Variants in MVB12A observed in about 807,000 individuals in gnomAD.
MVB12A encodes the protein multivesicular body subunit 12A, also known as CIN85/CD2AP family binding protein.
In MVB12A, 30 loss-of-function variants were observed where a neutral mutation model predicts 34.3. The ratio of observed to expected loss-of-function variants is 0.88; its 90% CI spans 0.65 to 1.19. MVB12A has a LOEUF of 1.19. Among genes scored for constraint, MVB12A ranks in the 50% most tolerant of loss-of-function variants. The probability of loss-of-function intolerance (pLI) is 0.00; values close to 1 mark genes in which losing one functional copy is unlikely to be tolerated. For synonymous variants in MVB12A, 158 were observed against 158.9 expected (o/e 0.99, Z 0.04); for missense variants, 355 against 369.2 (o/e 0.96, Z 0.31).
At chr19:17,423,898 T>G (rs1419489832) in intron 6 of MVB12A, 99 bp downstream of exon 6, 2 of 1,566,270 alleles carry the variant, frequency 1.3e-6, no homozygotes, top group Non-Finnish European at 8.8e-7. Flanking sequence ...CTCTCCCAAC[T>G]CTGGATTCTG....
chr19:17,422,452 G>A lies in MVB12A; in HGVS notation c.407G>A (p.Arg136Gln), dbSNP rs200635108. Residue 136 changes from arginine to glutamine, a missense_variant, in exon 4 of 9, where the codon CGA becomes CAA. Physicochemically the swap from Arg to Gln is conservative, Grantham distance 43 (BLOSUM62 1). Coordinates refer to ENST00000317040, the MANE Select transcript of MVB12A (RefSeq NM_138401.4). Reference protein sequence around the residue: ...GKTKTVPGYLRIGDMGGFAIW... With the variant: ...GKTKTVPGYLQIGDMGGFAIW... Reference sequence around the variant, plus strand: ...ACCAAGACAGTGCCTGGATACCTTCGAATAGGGTAGGGCCACCCCCCAGTG... The same window carrying A: ...ACCAAGACAGTGCCTGGATACCTTCAAATAGGGTAGGGCCACCCCCCAGTG... 36 of 1,611,294 alleles carry A rather than the reference G, an allele frequency of 2.2e-5. No individual in the cohort carries two copies. Among genetic ancestry groups the A allele is most frequent in the Admixed American group, 1.0e-4 (6 of 59,818 alleles).
intron 6 of MVB12A, 83 bp from the exon 7 acceptor site, chr19:17,423,923 G>T: frequency 6.3e-7 from 1 of 1,576,344 alleles, no homozygotes; most frequent in South Asian, 1.1e-5. Context: ...GACTGAAGGA[G>T]CCAGGCTGTG....
intron 2 of MVB12A, among the ~76,000 whole-genome samples, chr19:17,412,720 T>C (rs1242122629): frequency 6.6e-6 from 1 of 152,220 alleles, no homozygotes; most frequent in Non-Finnish European, 1.5e-5. Context: ...AGTTACATTA[T>C]TCTGACTTTA....
intron 2 of MVB12A, among the ~76,000 whole-genome samples, chr19:17,406,523 T>C (rs1314232790): frequency 2.0e-5 from 3 of 151,454 alleles, no homozygotes; most frequent in Non-Finnish European, 4.4e-5. Context: ...GCCATTTCCA[T>C]GTTTTTTTTT....
At position 17,425,071 on chromosome 19, in the gene MVB12A, TGGGGCC is replaced by T. The variant is rs2074863365; in HGVS notation, c.*79_*84del. On this transcript the variant is annotated 3_prime_UTR_variant, in exon 9 of 9. Coordinates refer to ENST00000317040, the MANE Select transcript of MVB12A (RefSeq NM_138401.4). ...GGGGCCACCCCCCCTCACTGCATCCTGGGGCCACCCCCACTCACTGCATCCTGGGAA... is the reference window on the plus strand; with the variant it reads ...GGGGCCACCCCCCCTCACTGCATCCTACCCCCACTCACTGCATCCTGGGAA... 23 of 502,542 alleles carry T rather than the reference TGGGGCC, an allele frequency of 4.6e-5. No homozygotes were observed. The highest frequency in any genetic ancestry group is 6.9e-5 in the Non-Finnish European group (22 of 319,336). 31.1% of individuals were successfully genotyped at this position (502,542 alleles called of 1,614,324 possible). A position where few individuals can be genotyped will look rare whatever the true frequency, so the allele number is the denominator to read the frequency against.
intron 2 of MVB12A, chr19:17,413,232 C>T (rs2074779818): frequency 6.6e-6 from 1 of 152,140 alleles, no homozygotes; most frequent in Admixed American, 6.6e-5. Flanking sequence ...CGCGGTGGTA[C>T]ATGCCTGTAA....
chr19:17,413,897 G>A (rs10413817), intron 2 of MVB12A, among the ~76,000 whole-genome samples: 1 of 152,164 alleles, frequency 6.6e-6, no homozygotes, highest in East Asian at 1.9e-4. Context: ...GGACTTGACT[G>A]CAGGCTTTCC....
In MVB12A at chr19:17,423,508, G is replaced by A. The variant is rs773765047; in HGVS notation, c.424G>A (p.Gly142Ser). The A allele has an allele frequency of 1.4e-5, 22 of 1,612,782 alleles. No homozygotes were observed. Among genetic ancestry groups the A allele is most frequent in the Non-Finnish European group, 1.8e-5 (21 of 1,179,978 alleles). ...PGYLRIGDMGGFAIWCKKAKA... is the reference protein window; with the variant it reads ...PGYLRIGDMGSFAIWCKKAKA... ...TCCCTCCTGGTCCAGGGACATGGGCGGCTTTGCCATCTGGTGCAAGAAGGC... is the reference window on the plus strand; with the variant it reads ...TCCCTCCTGGTCCAGGGACATGGGCAGCTTTGCCATCTGGTGCAAGAAGGC... The change falls in exon 5 of 9, where the codon GGC (glycine) becomes AGC (serine). Residue 142 changes from glycine (G) to serine (S), a missense_variant. Physicochemically the swap from Gly to Ser is moderately conservative, Grantham distance 56. Transcript: ENST00000317040.
At chr19:17,414,892 T>C (rs538902635) in intron 2 of MVB12A, 1 of 151,952 alleles carries the variant, frequency 6.6e-6, no homozygotes, top group African/African-American at 2.4e-5. Flanking sequence ...AAACAAAGTA[T>C]TAATATGTTC....
intron 2 of MVB12A, among the ~76,000 whole-genome samples, chr19:17,410,914 T>A (rs2074764929): frequency 8.9e-6 from 1 of 112,162 alleles, no homozygotes; most frequent in African/African-American, 3.1e-5. Flanking sequence ...GGCGACAGAG[T>A]GAGACTCTGT....
intron 3 of MVB12A, among the ~76,000 whole-genome samples, chr19:17,421,478 C>G (rs1465074533): frequency 6.6e-6 from 1 of 151,970 alleles, no homozygotes; most frequent in East Asian, 1.9e-4. Flanking sequence ...GCCACCGCAC[C>G]CGGCCAAACT....
chr19:17,422,214 A>G (rs538905856), intron 3 of MVB12A, 118 bp from the exon 4 acceptor site: 21 of 869,970 alleles, frequency 2.4e-5, no homozygotes, highest in South Asian at 1.5e-4. Flanking sequence ...CCCATCCCCA[A>G]TGTTGTCCAT....
rs1259545364 is a variant in MVB12A at position 17,425,298 on chromosome 19, GTCC to G, written c.*310_*312del. On this transcript the variant is annotated 3_prime_UTR_variant, in exon 9 of 9. Coordinates refer to ENST00000317040, the MANE Select transcript of MVB12A (RefSeq NM_138401.4). ...TCTGGGGTCCGGAGGCTGTGCGGGT[GTCC>G]TCCTGGCAATAAACACTACCCGGTT... 21 of 399,848 alleles carry G rather than the reference GTCC, an allele frequency of 5.3e-5. No individual in the cohort carries two copies. Among genetic ancestry groups the G allele is most frequent in the Non-Finnish European group, 1.3e-5 (3 of 223,000 alleles). The allele number at this position is 399,848 out of a possible 1,614,324, so 24.8% of individuals were successfully genotyped here. A position where few individuals can be genotyped will look rare whatever the true frequency, so the allele number is the denominator to read the frequency against.
At chr19:17,420,704 G>C (rs2074833310) in intron 3 of MVB12A, 70 bp downstream of exon 3, 1 of 1,144,376 alleles carries the variant, frequency 8.7e-7, no homozygotes, top group Non-Finnish European at 1.3e-6. Flanking sequence ...GAGGGACGAC[G>C]GGCGCGCGGT....
Position 17,420,205 on chromosome 19 carries a change from C to G in MVB12A, c.70C>G (p.Pro24Ala), listed in dbSNP as rs935187186. 15 of 1,472,272 alleles carry G rather than the reference C, an allele frequency of 1.0e-5. No homozygotes were observed. Among genetic ancestry groups the G allele is most frequent in the Non-Finnish European group, 1.3e-5 (15 of 1,118,726 alleles). The allele number at this position is 1,472,272 out of a possible 1,614,324, so 91.2% of individuals were successfully genotyped here. A position where few individuals can be genotyped will look rare whatever the true frequency, so the allele number is the denominator to read the frequency against. ...GGCCTGGTCGTCGGCCTCTGCACCC[C>G]CGCCGCGGGGGTTCAGCGCGGTGAG... The part of the protein sequence containing the change: ...GLAWSSASAP[P>A]PRGFSAISCT... The change falls in exon 1 of 9, where the codon CCG becomes GCG. Residue 24 changes from proline (P) to alanine (A), a missense_variant. Physicochemically the swap from Pro to Ala is conservative, Grantham distance 27. Coordinates refer to ENST00000317040, the MANE Select transcript of MVB12A (RefSeq NM_138401.4).
Position 17,424,638 on chromosome 19 carries a change from G to GGACC in MVB12A, c.721_724dup (p.Leu242ArgfsTer11). On this transcript the variant is annotated frameshift_variant, in exon 8 of 9. Coordinates refer to ENST00000317040, the MANE Select transcript of MVB12A (RefSeq NM_138401.4). LOFTEE classifies it high-confidence loss of function. ...CCCGCCAGGCCTTCTCTGCTTTTGG[G>GGACC]GACCTGACCATCAAGTCTCTGGCGG... 1 of 1,613,010 alleles carries GGACC rather than the reference G, an allele frequency of 6.2e-7. No homozygotes were observed. The highest frequency in any genetic ancestry group is 1.1e-5 in the South Asian group (1 of 90,906).
intron 3 of MVB12A, chr19:17,422,027 T>C (rs10415911): frequency 0.94 from 215,658 of 228,856 alleles, 102,646 homozygotes; most frequent in Middle Eastern, 0.99. Flanking sequence ...AGAGGGCTCA[T>C]GGAAAGTAAG....
intron 2 of MVB12A, among the ~76,000 whole-genome samples, chr19:17,407,426 CA>C (rs2074735962): frequency 6.6e-6 from 1 of 152,030 alleles, no homozygotes; most frequent in Admixed American, 6.6e-5. Flanking sequence ...TTATTGGATA[CA>C]AAGCAAAAGG....
At chr19:17,405,862 A>C in intron 1 of MVB12A, 1 of 339,202 alleles carries the variant, frequency 2.9e-6, no homozygotes, top group Non-Finnish European at 5.6e-6. Context: ...ACTCCATCTT[A>C]AGTCCCTGTG....
Sources: gnomAD v4.1 joint callset for allele counts (sites outside exome capture counted in the v4.1 genomes callset) on GRCh38, gnomAD v4.1.1 for gene constraint, MANE v1.5 for transcripts, NCBI Gene and HGNC (gene_info 2026-07-23, HGNC 2026-07-21) for gene names.